The following EPHA5 variants were observed in gnomAD, a reference collection of about 807,000 sequenced individuals.
The protein encoded by EPHA5 is ephrin type-A receptor 5.
In EPHA5, 60 loss-of-function variants were observed where a neutral mutation model predicts 105.0. That is an observed-to-expected ratio of 0.57 (90% CI 0.46 to 0.71). The LOEUF is 0.71. Ranked by LOEUF, EPHA5 falls within the 30% of genes least tolerant of loss-of-function variation. EPHA5 has a pLI of 0.00. For synonymous variants in EPHA5, 513 were observed against 449.1 expected (o/e 1.14, Z -1.80); for missense variants, 1,218 against 1,274.7 (o/e 0.96, Z 0.68).
intron 2 of EPHA5, among the ~76,000 whole-genome samples, chr4:65,620,369 G>A (rs1745610743): frequency 6.6e-6 from 1 of 151,962 alleles, no homozygotes; most frequent in Admixed American, 6.6e-5. Context: ...TATTTGATGA[G>A]TCTAACATCT....
chr4:65,541,377 A>G (rs1736814376), intron 3 of EPHA5, among the ~76,000 whole-genome samples: 1 of 151,948 alleles, frequency 6.6e-6, no homozygotes, highest in Non-Finnish European at 1.5e-5. Context: ...AAAGTCACAC[A>G]TAGGTTCAAA....
intron 2 of EPHA5, among the ~76,000 whole-genome samples, chr4:65,613,887 C>A (rs948378174): frequency 2.6e-5 from 4 of 151,868 alleles, no homozygotes; most frequent in African/African-American, 7.2e-5. Context: ...TAGAAGTTTA[C>A]AATAGGGATT....
At chr4:65,403,042 G>T (rs868681215) in intron 8 of EPHA5, among the ~76,000 whole-genome samples, 2 of 151,994 alleles carry the variant, frequency 1.3e-5, no homozygotes, top group Non-Finnish European at 2.9e-5. Flanking sequence ...TTCTAAAAAC[G>T]CGTAAATGCT....
intron 8 of EPHA5, among the ~76,000 whole-genome samples, chr4:65,401,721 A>C (rs2148982985): frequency 6.6e-6 from 1 of 152,232 alleles, no homozygotes; most frequent in Middle Eastern, 3.4e-3. Flanking sequence ...TTTTAAAAGT[A>C]ATTACACTTT....
intron 3 of EPHA5, among the ~76,000 whole-genome samples, chr4:65,555,781 A>G (rs1738376992): frequency 7.1e-6 from 1 of 141,276 alleles, no homozygotes; most frequent in South Asian, 2.1e-4. Flanking sequence ...TATATACCAT[A>G]TTCAGACTGT....
intron 13 of EPHA5, among the ~76,000 whole-genome samples, chr4:65,350,369 T>TA (rs35181402): frequency 1.2e-4 from 18 of 150,844 alleles, no homozygotes; most frequent in African/African-American, 2.0e-4. Context: ...AAAAATGTTT[T>TA]AAAAAAAAAA....
intron 11 of EPHA5, among the ~76,000 whole-genome samples, chr4:65,353,634 T>C (rs1448791758): frequency 6.6e-6 from 1 of 151,736 alleles, no homozygotes; most frequent in African/African-American, 2.4e-5. Context: ...TGATATAATG[T>C]ATCCAATAAT....
chr4:65,422,605 TA>T (rs1724044801), intron 5 of EPHA5, among the ~76,000 whole-genome samples: 1 of 152,074 alleles, frequency 6.6e-6, no homozygotes, highest in Non-Finnish European at 1.5e-5. Context: ...GTGAAGAGTA[TA>T]AAATAATTTC....
intron 1 of EPHA5, among the ~76,000 whole-genome samples, chr4:65,662,374 A>G: frequency 6.6e-6 from 1 of 152,150 alleles, no homozygotes; most frequent in Admixed American, 6.6e-5. Context: ...TTTACTTAAC[A>G]GAGTTGTGTG....
At chr4:65,360,827 C>CT (rs557055904) in intron 11 of EPHA5, among the ~76,000 whole-genome samples, 349 of 151,382 alleles carry the variant, frequency 2.3e-3, no homozygotes, top group Non-Finnish European at 3.9e-3. Context: ...TAATTTCTTT[C>CT]TTTTTTTTAA....
intron 1 of EPHA5, among the ~76,000 whole-genome samples, chr4:65,667,239 A>AATAGCATGGAGAAACAAGAAGAGAAG (rs1271228199): frequency 6.6e-6 from 1 of 152,230 alleles, no homozygotes; most frequent in African/African-American, 2.4e-5. Context: ...AATTTATAGC[A>AATAGCATGGAGAAACAAGAAGAGAAG]ATAGCATGGA....
intron 3 of EPHA5, among the ~76,000 whole-genome samples, chr4:65,503,908 TACAC>T (rs34693427): frequency 0.23 from 32,857 of 145,254 alleles, 3,707 homozygotes; most frequent in East Asian, 0.36. Flanking sequence ...ATGTGTGTGA[TACAC>T]ACACACACAC....
intron 8 of EPHA5, chr4:65,377,127 A>T: frequency 6.8e-7 from 1 of 1,468,126 alleles, no homozygotes; most frequent in Non-Finnish European, 9.2e-7. Flanking sequence ...TATAGCATAA[A>T]GACACTATGA....
At chr4:65,558,700 C>T (rs1056591251) in intron 3 of EPHA5, among the ~76,000 whole-genome samples, 2 of 152,008 alleles carry the variant, frequency 1.3e-5, no homozygotes, top group Non-Finnish European at 2.9e-5. Context: ...CCTCCCCGCA[C>T]CCCACAACAG....
intron 3 of EPHA5, among the ~76,000 whole-genome samples, chr4:65,574,726 A>ATC (rs1176653860): frequency 8.3e-5 from 8 of 96,848 alleles, no homozygotes; most frequent in Non-Finnish European, 1.6e-4. Flanking sequence ...ATATACATAT[A>ATC]TATACATATA....
At chr4:65,346,624 C>A (rs1460663087) in intron 14 of EPHA5, among the ~76,000 whole-genome samples, 1 of 151,962 alleles carries the variant, frequency 6.6e-6, no homozygotes, top group Non-Finnish European at 1.5e-5. Flanking sequence ...GCAAAATTGA[C>A]AAATGGGATC....
intron 11 of EPHA5, 45 bp from the exon 12 acceptor site, chr4:65,353,148 G>T (rs776522603): frequency 1.9e-5 from 24 of 1,285,526 alleles, no homozygotes; most frequent in Non-Finnish European, 2.4e-5. Context: ...CTTCGATTTT[G>T]CATTCTTATC....
At chr4:65,490,038 C>CA (rs1203331950) in intron 5 of EPHA5, among the ~76,000 whole-genome samples, 2 of 151,620 alleles carry the variant, frequency 1.3e-5, no homozygotes, top group Non-Finnish European at 2.9e-5. Flanking sequence ...TTAAAGGAAA[C>CA]AAAAAATAGA....
chr4:65,616,700 A>G (rs1017032172), intron 2 of EPHA5, among the ~76,000 whole-genome samples: 2 of 151,988 alleles, frequency 1.3e-5, no homozygotes, highest in African/African-American at 4.8e-5. Context: ...AGCCTCTTTG[A>G]TATTCTTTCA....
Sources: allele counts gnomAD v4.1 joint callset (sites outside exome capture counted in the v4.1 genomes callset), GRCh38; gene constraint gnomAD v4.1.1; transcripts MANE v1.5; gene names NCBI Gene and HGNC (gene_info 2026-07-23, HGNC 2026-07-21).